ZDHHC12: variants seen among roughly 807,000 people sequenced by gnomAD.
ZDHHC12 encodes the protein palmitoyltransferase ZDHHC12.
A neutral mutation model predicts 33.2 loss-of-function variants in ZDHHC12; 26 were observed. The ratio of observed to expected loss-of-function variants is 0.78; its 90% CI spans 0.57 to 1.09. The LOEUF is 1.09. Ranked by LOEUF, ZDHHC12 falls within the 50% of genes least tolerant of loss-of-function variation. The pLI is 0.00. For synonymous variants in ZDHHC12, 154 were observed against 152.1 expected, an observed-to-expected ratio of 1.01 and a Z score of -0.09; for missense variants, 350 against 353.0, an observed-to-expected ratio of 0.99 and a Z score of 0.07.
At position 128,721,775 on chromosome 9, in the gene ZDHHC12, C is replaced by G; in HGVS notation, c.358G>C (p.Val120Leu). Residue 120 changes from valine to leucine, a missense_variant, in exon 4 of 5, where the codon GTC becomes CTC. Coordinates refer to ENST00000372663, the MANE Select transcript of ZDHHC12 (RefSeq NM_032799.5). This position sits in a 1 kb window ranked among gnomAD's most constrained non-coding sequence, Gnocchi z 6.9. ...GGGCAGTGGTGGTCGTAGCGGCGGACGCAACGGCGGCACTCACGGCAGTGC... is the reference window on the plus strand; with the variant it reads ...GGGCAGTGGTGGTCGTAGCGGCGGAGGCAACGGCGGCACTCACGGCAGTGC... ...ARHCRECRRC[V>L]RRYDHHCPWM... The G allele has an allele frequency of 6.2e-7, 1 of 1,613,502 alleles. No individual in the cohort carries two copies. The highest frequency in any genetic ancestry group is 8.5e-7 in the Non-Finnish European group (1 of 1,179,934).
Position 128,722,563 on chromosome 9 carries a change from A to G in ZDHHC12, c.112T>C (p.Trp38Arg), listed in dbSNP as rs1395433324. 1.3e-6 allele frequency: 2 copies of G among 1,593,598 alleles called. No individual in the cohort carries two copies. Among genetic ancestry groups the G allele is most frequent in the Admixed American group, 3.5e-5 (2 of 57,022 alleles). Residue 38 changes from tryptophan to arginine, a missense_variant, in exon 2 of 5, where the codon TGG (tryptophan) becomes CGG (arginine). Physicochemically the swap from Trp to Arg is moderately radical, Grantham distance 101. Coordinates refer to ENST00000372663, the MANE Select transcript of ZDHHC12 (RefSeq NM_032799.5). The surrounding 1 kb of genome is among the most constrained non-coding windows in gnomAD (Gnocchi z 4.2). ...LFLHDTELRQ[W>R]EEQGELLLPL... ...AGGAGCAGCTCCCCCTGCTCCTCCC[A>G]TTGCCGCAGCTCTGGAGAGGCCGGA...
Position 128,721,437 on chromosome 9 carries a change from G to T in ZDHHC12, c.548C>A (p.Thr183Asn). 1 of 1,585,964 alleles carries T rather than the reference G, an allele frequency of 6.3e-7. No individual in the cohort carries two copies. Among genetic ancestry groups the T allele is most frequent in the Non-Finnish European group, 8.6e-7 (1 of 1,166,702 alleles). Reference sequence around the variant, plus strand: ...CGAGAAGAGGGACAGCAGCAGGAAGGTGGCGAACAGGAGCCCGCTGGACCG... The same window carrying T: ...CGAGAAGAGGGACAGCAGCAGGAAGTTGGCGAACAGGAGCCCGCTGGACCG... ...WLRSSGLLFA[T>N]FLLLSLFSLV... The change falls in exon 5 of 5, where the codon ACC (threonine) becomes AAC (asparagine). Residue 183 changes from threonine (T) to asparagine (N), a missense_variant. Physicochemically the swap from Thr to Asn is moderately conservative, Grantham distance 65. Transcript: ENST00000372663. This position sits in a 1 kb window ranked among gnomAD's most constrained non-coding sequence, Gnocchi z 6.9.
chr9:128,721,930 C>T lies in ZDHHC12; in HGVS notation c.315+79G>A, dbSNP rs891565750. On this transcript the variant is annotated intron_variant, in intron 3 of 4. Coordinates refer to ENST00000372663, the MANE Select transcript of ZDHHC12 (RefSeq NM_032799.5). This position sits in a 1 kb window ranked among gnomAD's most constrained non-coding sequence, Gnocchi z 6.9. ...GGCCTTCTTGGAGGAGGGGCGAGGCCCAGGCAGTGGGGCAGGAGGAGGTCG... is the reference window on the plus strand; with the variant it reads ...GGCCTTCTTGGAGGAGGGGCGAGGCTCAGGCAGTGGGGCAGGAGGAGGTCG... 13 of 1,608,606 alleles carry T rather than the reference C, an allele frequency of 8.1e-6. No individual in the cohort carries two copies. In the Middle Eastern group the frequency reaches 5.2e-4, roughly 64 times the overall value.
rs1184815331 is a variant in ZDHHC12, at chr9:128,721,754, AGTG to A, written c.376_378del (p.His126del). 1.2e-6 allele frequency: 2 copies of A among 1,613,710 alleles called. No individual in the cohort carries two copies. The highest frequency in any genetic ancestry group is 2.7e-5 in the African/African-American group (2 of 74,936). On this transcript the variant is annotated inframe_deletion, in exon 4 of 5. Transcript: ENST00000372663. This position sits in a 1 kb window ranked among gnomAD's most constrained non-coding sequence, Gnocchi z 6.9. ...CCCACACAGTTCTCCATCCAGGGGCAGTGGTGGTCGTAGCGGCGGACGCAACGG... is the reference window on the plus strand; with the variant it reads ...CCCACACAGTTCTCCATCCAGGGGCAGTGGTCGTAGCGGCGGACGCAACGG...
chr9:128,724,022 G>A lies in ZDHHC12; in HGVS notation c.72C>T (p.Ile24=), dbSNP rs745594774. 1.9e-6 allele frequency: 3 copies of A among 1,613,212 alleles called. No individual in the cohort carries two copies. The highest frequency in any genetic ancestry group is 1.7e-5 in the Admixed American group (1 of 59,946). Residue 24 remains isoleucine (I), a synonymous_variant, in exon 1 of 5, where the codon ATC becomes ATT. Transcript: ENST00000372663. ...RTGHTVLTWG[I]TLVLFLHDTE... The stretch of plus-strand genomic sequence containing the variant: ...TATCGTGCAGGAAGAGCACCAGCGT[G>A]ATTCCCCAGGTCAGCACGGTGTGCC...
Position 128,721,377 on chromosome 9 carries a change from T to A in ZDHHC12, c.608A>T (p.Tyr203Phe). 1 of 1,582,250 alleles carries A rather than the reference T, an allele frequency of 6.3e-7. No individual in the cohort carries two copies. Among genetic ancestry groups the A allele is most frequent in the Non-Finnish European group, 8.6e-7 (1 of 1,164,522 alleles). Residue 203 changes from tyrosine (Y) to phenylalanine (F), a missense_variant, in exon 5 of 5, where the codon TAC becomes TTC. Transcript: ENST00000372663. This position sits in a 1 kb window ranked among gnomAD's most constrained non-coding sequence, Gnocchi z 6.9. ...GGTGGTGGTGTTGCTGGCCACCAGGTAGAGGTGCGAGACGAGGAGCAGGCT... is the reference window on the plus strand; with the variant it reads ...GGTGGTGGTGTTGCTGGCCACCAGGAAGAGGTGCGAGACGAGGAGCAGGCT... ...VASLLLVSHL[Y>F]LVASNTTTWE...
Position 128,722,555 on chromosome 9 carries a change from C to T in ZDHHC12, c.120G>A (p.Glu40=). 1.9e-6 allele frequency: 3 copies of T among 1,592,920 alleles called. No individual in the cohort carries two copies. Among genetic ancestry groups the T allele is most frequent in the Non-Finnish European group, 2.6e-6 (3 of 1,169,796 alleles). Residue 40 remains glutamate, a synonymous_variant, in exon 2 of 5, where the codon GAG becomes GAA. Transcript: ENST00000372663. The surrounding 1 kb of genome is among the most constrained non-coding windows in gnomAD (Gnocchi z 4.2). ...LHDTELRQWE[E]QGELLLPLTF... ...TGAGGGGCAGGAGCAGCTCCCCCTGCTCCTCCCATTGCCGCAGCTCTGGAG... is the reference window on the plus strand; with the variant it reads ...TGAGGGGCAGGAGCAGCTCCCCCTGTTCCTCCCATTGCCGCAGCTCTGGAG...
In ZDHHC12 at chr9:128,721,025, C is replaced by T; in HGVS notation, c.*156G>A. 9 of 802,316 alleles carry T rather than the reference C, an allele frequency of 1.1e-5. No homozygotes were observed. Among genetic ancestry groups the T allele is most frequent in the Non-Finnish European group, 1.1e-5 (6 of 528,844 alleles). 49.7% of individuals were successfully genotyped at this position (802,316 alleles called of 1,614,324 possible). A position where few individuals can be genotyped will look rare whatever the true frequency, so the allele number is the denominator to read the frequency against. On this transcript the variant is annotated 3_prime_UTR_variant, in exon 5 of 5. Transcript: ENST00000372663. This position sits in a 1 kb window ranked among gnomAD's most constrained non-coding sequence, Gnocchi z 6.9. ...CTTCTTCCTTGGAAGGCAGAACTGC[C>T]CACCAAGGCAGGGATCTGTCTGACT...
chr9:128,724,083 C>T lies in ZDHHC12; in HGVS notation c.11G>A (p.Trp4Ter), dbSNP rs573686929. 1.9e-6 allele frequency: 3 copies of T among 1,585,566 alleles called. No homozygotes were observed. The South Asian group carries it at 3.4e-5, about 18-fold the overall frequency. The change falls in exon 1 of 5, where the codon TGG becomes TAG. Residue 4 changes from tryptophan (W) to a stop codon, truncating the protein, a stop_gained. Coordinates refer to ENST00000372663, the MANE Select transcript of ZDHHC12 (RefSeq NM_032799.5). LOFTEE classifies it high-confidence loss of function. ...CAGGACCCCAGGGCTGAGGAGCGCC[C>T]AGGGCGCCATCGCCTCGGCCCGGGG... is the stretch of plus-strand genomic sequence containing the variant. MAP[W>*]ALLSPGVLVR...
chr9:128,721,268 C>T lies in ZDHHC12; in HGVS notation c.717G>A (p.Leu239=), dbSNP rs373009609. 11 of 1,603,694 alleles carry T rather than the reference C, an allele frequency of 6.9e-6. No homozygotes were observed. The highest frequency in any genetic ancestry group is 1.1e-5 in the South Asian group (1 of 89,240). The part of the protein sequence containing the change: ...NPFDRGLTRN[L]AHFFCGWPSG... The stretch of plus-strand genomic sequence containing the variant: ...AGGGCCATCCACAGAAGAAGTGGGC[C>T]AGGTTGCGGGTCAGGCCTCGGTCGA... The change falls in exon 5 of 5, where the codon CTG becomes CTA. Residue 239 remains leucine, a synonymous_variant. Coordinates refer to ENST00000372663, the MANE Select transcript of ZDHHC12 (RefSeq NM_032799.5). The surrounding 1 kb of genome is among the most constrained non-coding windows in gnomAD (Gnocchi z 6.9).
chr9:128,722,185 T>G lies in ZDHHC12; in HGVS notation c.238-99A>C. 1 of 1,432,816 alleles carries G rather than the reference T, an allele frequency of 7.0e-7. No individual in the cohort carries two copies. Among genetic ancestry groups the G allele is most frequent in the Non-Finnish European group, 9.7e-7 (1 of 1,026,976 alleles). The allele number at this position is 1,432,816 out of a possible 1,614,324, so 88.8% of individuals were successfully genotyped here. On this transcript the variant is annotated intron_variant, in intron 2 of 4. Transcript: ENST00000372663. The surrounding 1 kb of genome is among the most constrained non-coding windows in gnomAD (Gnocchi z 4.2). ...GGCCGGCTTAGCTCTGGGTATGGAG[T>G]TTGGGACCCATCCCATGCAGAATGG... is the stretch of plus-strand genomic sequence containing the variant.
chr9:128,722,639 G>A lies in ZDHHC12; in HGVS notation c.101-65C>T. ...GAACAGGAGTGGGTGGGGTTGGGGT[G>A]CAGTTGGAGGTGGGGAAGTGTGTTC... On this transcript the variant is annotated intron_variant, in intron 1 of 4. Coordinates refer to ENST00000372663, the MANE Select transcript of ZDHHC12 (RefSeq NM_032799.5). The surrounding 1 kb of genome is among the most constrained non-coding windows in gnomAD (Gnocchi z 4.2). 6.4e-7 allele frequency: 1 copy of A among 1,552,356 alleles called. No individual in the cohort carries two copies. The highest frequency in any genetic ancestry group is 8.7e-7 in the Non-Finnish European group (1 of 1,147,130).
chr9:128,722,903 T>G lies in ZDHHC12; in HGVS notation c.101-329A>C. 2.1e-4 allele frequency: 80 copies of G among 387,912 alleles called. No homozygotes were observed. The highest frequency in any genetic ancestry group is 5.1e-4 in the East Asian group (6 of 11,770). The allele number at this position is 387,912 out of a possible 1,614,324, so 24.0% of individuals were successfully genotyped here. A position where few individuals can be genotyped will look rare whatever the true frequency, so the allele number is the denominator to read the frequency against. On this transcript the variant is annotated intron_variant, in intron 1 of 4. Transcript: ENST00000372663. This position sits in a 1 kb window ranked among gnomAD's most constrained non-coding sequence, Gnocchi z 4.2. The stretch of plus-strand genomic sequence containing the variant: ...TGGCAGGAAGTGAGGGAGGAAGGAA[T>G]GGACAGGGGGCTGCTGGGTCAAGGG...
rs1491143021 is a variant in ZDHHC12, at chr9:128,721,519, A to AG, written c.483-18dup. 1 of 1,598,454 alleles carries AG rather than the reference A, an allele frequency of 6.3e-7. No individual in the cohort carries two copies. Among genetic ancestry groups the AG allele is most frequent in the Admixed American group, 1.7e-5 (1 of 57,722 alleles). ...AGGCCTGACCTGCGGTGCAGGGGAC[A>AG]GGGGCCTGGTGCTGGGGGAGGGCAG... On this transcript the variant is annotated splice_polypyrimidine_tract_variant and intron_variant, in intron 4 of 4. Coordinates refer to ENST00000372663, the MANE Select transcript of ZDHHC12 (RefSeq NM_032799.5). This position sits in a 1 kb window ranked among gnomAD's most constrained non-coding sequence, Gnocchi z 6.9.
chr9:128,721,440 G>T lies in ZDHHC12; in HGVS notation c.545C>A (p.Ala182Asp), dbSNP rs755893169. ...QWLRSSGLLF[A>D]TFLLLSLFSL... is the part of the protein sequence containing the mutation. ...GAAGAGGGACAGCAGCAGGAAGGTGGCGAACAGGAGCCCGCTGGACCGCAA... is the reference window on the plus strand; with the variant it reads ...GAAGAGGGACAGCAGCAGGAAGGTGTCGAACAGGAGCCCGCTGGACCGCAA... Residue 182 changes from alanine to aspartate, a missense_variant, in exon 5 of 5, where the codon GCC becomes GAC. Coordinates refer to ENST00000372663, the MANE Select transcript of ZDHHC12 (RefSeq NM_032799.5). The surrounding 1 kb of genome is among the most constrained non-coding windows in gnomAD (Gnocchi z 6.9). 80 of 1,585,930 alleles carry T rather than the reference G, an allele frequency of 5.0e-5. No homozygotes were observed. The highest frequency in any genetic ancestry group is 6.6e-5 in the Non-Finnish European group (77 of 1,166,776).
rs1179878349 is a variant in ZDHHC12 at position 128,723,965 on chromosome 9, G to A, written c.100+29C>T. 2 of 1,602,176 alleles carry A rather than the reference G, an allele frequency of 1.2e-6. No homozygotes were observed. The highest frequency in any genetic ancestry group is 2.3e-5 in the East Asian group (1 of 43,966). ...CTGGGGAAGTACGCGGGATCGGGTG[G>A]GTCCGGGGTCGCTCGGGGTCCGGCT... On this transcript the variant is annotated intron_variant, in intron 1 of 4. Transcript: ENST00000372663. This position sits in a 1 kb window ranked among gnomAD's most constrained non-coding sequence, Gnocchi z 4.4.
chr9:128,724,032 G>C lies in ZDHHC12; in HGVS notation c.62C>G (p.Thr21Ser). Residue 21 changes from threonine (T) to serine (S), a missense_variant, in exon 1 of 5, where the codon ACC becomes AGC. Thr to Ser is a moderately conservative substitution (Grantham distance 58). Coordinates refer to ENST00000372663, the MANE Select transcript of ZDHHC12 (RefSeq NM_032799.5). ...VLVRTGHTVL[T>S]WGITLVLFLH... ...GAAGAGCACCAGCGTGATTCCCCAG[G>C]TCAGCACGGTGTGCCCGGTCCGCAC... 1 of 1,612,826 alleles carries C rather than the reference G, an allele frequency of 6.2e-7. No individual in the cohort carries two copies. The highest frequency in any genetic ancestry group is 8.5e-7 in the Non-Finnish European group (1 of 1,179,304).
In ZDHHC12 at chr9:128,721,891, G is replaced by A; in HGVS notation, c.316-74C>T. ...CCCACCACTGAGGGAAGGAATCAGG[G>A]CCTGATTCTGGAAGGCCTTCTTGGA... is the stretch of plus-strand genomic sequence containing the variant. On this transcript the variant is annotated intron_variant, in intron 3 of 4. Coordinates refer to ENST00000372663, the MANE Select transcript of ZDHHC12 (RefSeq NM_032799.5). The surrounding 1 kb of genome is among the most constrained non-coding windows in gnomAD (Gnocchi z 6.9). 6.3e-7 allele frequency: 1 copy of A among 1,599,358 alleles called. No homozygotes were observed. Among genetic ancestry groups the A allele is most frequent in the Non-Finnish European group, 8.5e-7 (1 of 1,170,754 alleles).
Position 128,721,836 on chromosome 9 carries a change from G to C in ZDHHC12, c.316-19C>G. The C allele has an allele frequency of 6.2e-7, 1 of 1,610,588 alleles. No homozygotes were observed. Among genetic ancestry groups the C allele is most frequent in the Non-Finnish European group, 8.5e-7 (1 of 1,178,284 alleles). ...GGGGCTGCTGTGGGCATGGAGGAGA[G>C]TGGAGGCTCAGTGCCAGCCCTGCTG... is the stretch of plus-strand genomic sequence containing the variant. On this transcript the variant is annotated intron_variant, in intron 3 of 4. Coordinates refer to ENST00000372663, the MANE Select transcript of ZDHHC12 (RefSeq NM_032799.5). The surrounding 1 kb of genome is among the most constrained non-coding windows in gnomAD (Gnocchi z 6.9).
Sources: gnomAD v4.1 joint callset for allele counts on GRCh38, gnomAD v4.1.1 for gene constraint, Gnocchi (gnomAD v3.1) non-coding constraint, MANE v1.5 for transcripts, NCBI Gene and HGNC (gene_info 2026-07-23, HGNC 2026-07-21) for gene names.